LTBP1: variants seen among roughly 807,000 people sequenced by gnomAD.
LTBP1 encodes the protein latent-transforming growth factor beta-binding protein 1.
In LTBP1, 129 loss-of-function variants were observed where a neutral mutation model predicts 207.6. The ratio of observed to expected loss-of-function variants is 0.62; its 90% confidence interval spans 0.54 to 0.72. The LOEUF is 0.72. Among genes scored for constraint, LTBP1 ranks in the 30% least tolerant of loss-of-function variants. The pLI, the probability that LTBP1 is intolerant of heterozygous loss-of-function variation, is 0.00. For synonymous variants in LTBP1, 963 were observed against 833.7 expected (o/e 1.16, Z -2.67); for missense variants, 2,281 against 2,217.2 (o/e 1.03, Z -0.58).
chr2:33,034,457 C>G (rs570551814), intron 3 of LTBP1, among the ~76,000 whole-genome samples: 103 of 152,032 alleles, frequency 6.8e-4, no homozygotes, highest in African/African-American at 2.3e-3. Flanking sequence ...TATAAACTAG[C>G]TGAAGGGAGT....
intron 10 of LTBP1, among the ~76,000 whole-genome samples, chr2:33,244,116 G>A (rs1014284470): frequency 1.3e-5 from 2 of 152,184 alleles, no homozygotes; most frequent in African/African-American, 4.8e-5. Flanking sequence ...AGAGATGACA[G>A]TAAGTTTTTC....
rs144337405 is a variant in LTBP1, at chr2:32,950,297, C to T, written c.565+1352C>T. ...TAGGGCCTGGTGCGGTGACTCATGC[C>T]TGTAATCCCAGCACTTTGGGAGGCC... On this transcript the variant is annotated intron_variant, in intron 2 of 33. Coordinates refer to ENST00000404816, the MANE Select transcript of LTBP1 (RefSeq NM_206943.4). 5.2e-3 allele frequency among the ~76,000 whole-genome samples: 788 copies of T among 152,272 alleles called. 7 individuals carry two copies. The highest frequency in any genetic ancestry group is 0.018 in the African/African-American group (764 of 41,534).
intron 19 of LTBP1, among the ~76,000 whole-genome samples, chr2:33,292,501 A>G (rs1288661090): frequency 6.6e-6 from 1 of 152,230 alleles, no homozygotes; most frequent in Non-Finnish European, 1.5e-5. Context: ...TGTTCGGATT[A>G]AATGAGATGA....
At chr2:33,075,148 A>G (rs768364675) in intron 3 of LTBP1, among the ~76,000 whole-genome samples, 2 of 152,234 alleles carry the variant, frequency 1.3e-5, no homozygotes, top group African/African-American at 2.4e-5. Context: ...GAGAGAGCCA[A>G]CTGCTGAGCA....
intron 2 of LTBP1, among the ~76,000 whole-genome samples, chr2:33,005,252 T>G (rs996815571): frequency 6.6e-6 from 1 of 152,184 alleles, no homozygotes; most frequent in Admixed American, 6.5e-5. Context: ...AGGGACAACT[T>G]GTCTCTGCTC....
At chr2:33,003,548 G>A (rs112274002) in intron 2 of LTBP1, among the ~76,000 whole-genome samples, 4 of 152,274 alleles carry the variant, frequency 2.6e-5, no homozygotes, top group African/African-American at 9.6e-5. Flanking sequence ...ACCAGGTGAC[G>A]GCAGAACTTG....
chr2:33,155,352 G>A (rs1454773732), intron 5 of LTBP1, among the ~76,000 whole-genome samples: 1 of 152,148 alleles, frequency 6.6e-6, no homozygotes, highest in African/African-American at 2.4e-5. Context: ...ACAGGCGTGA[G>A]CCACCACGCC....
intron 2 of LTBP1, among the ~76,000 whole-genome samples, chr2:32,993,087 G>C (rs72867850): frequency 6.6e-6 from 1 of 152,080 alleles, no homozygotes; most frequent in Non-Finnish European, 1.5e-5. Flanking sequence ...AGCTGGCAGC[G>C]GGGGGATGCT....
intron 7 of LTBP1, among the ~76,000 whole-genome samples, chr2:33,191,814 A>G (rs868002547): frequency 6.6e-6 from 1 of 152,244 alleles, no homozygotes; most frequent in Non-Finnish European, 1.5e-5. Context: ...GAGACTTTCA[A>G]TGCAATAGTT....
intron 10 of LTBP1, among the ~76,000 whole-genome samples, chr2:33,249,323 TCACACA>T (rs61249844): frequency 0.14 from 19,548 of 141,306 alleles, 1,314 homozygotes; most frequent in Non-Finnish European, 0.16. Flanking sequence ...GTCTGATTTT[TCACACA>T]CACACACACA....
At chr2:33,318,921 T>A (rs1266828061) in intron 24 of LTBP1, among the ~76,000 whole-genome samples, 2 of 151,768 alleles carry the variant, frequency 1.3e-5, no homozygotes, top group African/African-American at 4.8e-5. Flanking sequence ...ATAGCAAGAC[T>A]CTGTCTCTAC....
rs1458614245 is a variant in LTBP1 at position 33,347,398 on chromosome 2, G to A, written c.3888G>A (p.Val1296=). 16 of 1,614,078 alleles carry A rather than the reference G, an allele frequency of 9.9e-6. No individual in the cohort carries two copies. Among genetic ancestry groups the A allele is most frequent in the Non-Finnish European group, 1.4e-5 (16 of 1,180,050 alleles). Residue 1296 remains valine, a synonymous_variant, in exon 26 of 34, where the codon GTG becomes GTA. Transcript: ENST00000404816. ...DVNECELLSG[V]CGEAFCENVE... ...ATGAATGTGAACTGCTCAGTGGGGT[G>A]TGTGGTGAAGCCTTCTGTGAAAACG...
intron 7 of LTBP1, among the ~76,000 whole-genome samples, chr2:33,197,454 T>C (rs1364322800): frequency 1.3e-5 from 2 of 152,348 alleles, no homozygotes; most frequent in East Asian, 3.9e-4. Flanking sequence ...CGAACATTTC[T>C]GTGGTAGTTA....
intron 3 of LTBP1, among the ~76,000 whole-genome samples, chr2:33,084,540 G>C (rs2078637776): frequency 6.6e-6 from 1 of 152,048 alleles, no homozygotes; most frequent in Non-Finnish European, 1.5e-5. Context: ...CAGGCAAGTG[G>C]ATCAAAAAAT....
intron 2 of LTBP1, among the ~76,000 whole-genome samples, chr2:32,990,537 G>C (rs76956852): frequency 6.6e-6 from 1 of 152,100 alleles, no homozygotes; most frequent in Admixed American, 6.5e-5. Context: ...ATTTACTTAC[G>C]TTGTTTACAT....
intron 31 of LTBP1, among the ~76,000 whole-genome samples, chr2:33,367,104 T>C (rs1381319589): frequency 1.3e-5 from 2 of 151,826 alleles, no homozygotes; most frequent in Admixed American, 6.6e-5. Context: ...TATATTGATA[T>C]TAGTTATTGC....
chr2:33,297,786 G>A (rs1043399171), intron 20 of LTBP1, among the ~76,000 whole-genome samples: 3 of 152,120 alleles, frequency 2.0e-5, no homozygotes, highest in Non-Finnish European at 4.4e-5. Flanking sequence ...GACTTTATTT[G>A]GATTTCACAA....
chr2:33,398,664 G>A lies in LTBP1; in HGVS notation c.*119G>A. Reference sequence around the variant, plus strand: ...AAGGCTGGAAATACAGAAACAGCATGGAATTGCAAGTCCTCTGAAGACAAT... The same window carrying A: ...AAGGCTGGAAATACAGAAACAGCATAGAATTGCAAGTCCTCTGAAGACAAT... On this transcript the variant is annotated 3_prime_UTR_variant, in exon 34 of 34. Coordinates refer to ENST00000404816, the MANE Select transcript of LTBP1 (RefSeq NM_206943.4). The A allele has an allele frequency of 2.1e-6, 2 of 967,176 alleles. No individual in the cohort carries two copies. Among genetic ancestry groups the A allele is most frequent in the African/African-American group, 1.6e-5 (1 of 61,010 alleles). The allele number at this position is 967,176 out of a possible 1,614,324, so 59.9% of individuals were successfully genotyped here.
intron 5 of LTBP1, among the ~76,000 whole-genome samples, chr2:33,162,323 C>T (rs2084540235): frequency 6.6e-6 from 1 of 152,128 alleles, no homozygotes; most frequent in Admixed American, 6.5e-5. Flanking sequence ...CTTCCTTAAT[C>T]ATTATTTTTC....
Sources: allele counts gnomAD v4.1 joint callset (sites outside exome capture counted in the v4.1 genomes callset), GRCh38; gene constraint gnomAD v4.1.1; transcripts MANE v1.5; gene names NCBI Gene and HGNC (gene_info 2026-07-23, HGNC 2026-07-21).